RAP1GAP: variants seen among roughly 807,000 people sequenced by gnomAD.
The protein encoded by RAP1GAP is RAP1 GTPase activating protein.
Under a neutral mutation model 87.2 loss-of-function variants are expected in RAP1GAP, and 35 were observed. The ratio of observed to expected loss-of-function variants is 0.40; its 90% CI spans 0.31 to 0.53. RAP1GAP has a LOEUF of 0.53. Among genes scored for constraint, RAP1GAP ranks in the 20% least tolerant of loss-of-function variants. RAP1GAP has a pLI of 0.48. For synonymous variants in RAP1GAP, 375 were observed against 363.9 expected, an observed-to-expected ratio of 1.03 and a Z score of -0.35; for missense variants, 734 against 898.9, an observed-to-expected ratio of 0.82 and a Z score of 2.35.
rs1040947316 is a variant in RAP1GAP, at chr1:21,613,795, G to T, written c.396-89C>A. On this transcript the variant is annotated intron_variant, in intron 8 of 24. Transcript: ENST00000374765. The surrounding 1 kb of genome is among the most constrained non-coding windows in gnomAD (Gnocchi z 4.7). ...CCCCACAAAGTAAGGCCAGAAGGGG[G>T]TGGACCACAGCGAGGACCAGAGGTG... 8.9e-6 allele frequency: 12 copies of T among 1,344,908 alleles called. No homozygotes were observed. In the African/African-American group the frequency reaches 1.7e-4, roughly 19 times the overall value. 83.3% of individuals were successfully genotyped at this position (1,344,908 alleles called of 1,614,324 possible). A position where few individuals can be genotyped will look rare whatever the true frequency, so the allele number is the denominator to read the frequency against.
rs114770220 is a variant in RAP1GAP at position 21,634,637 on chromosome 1, C to T, written c.-112-8240G>A. 104 of 226,670 alleles carry T rather than the reference C, an allele frequency of 4.6e-4. No individual in the cohort carries two copies. The highest frequency in any genetic ancestry group is 1.7e-3 in the African/African-American group (75 of 43,282). The allele number at this position is 226,670 out of a possible 1,614,324, so 14.0% of individuals were successfully genotyped here. The stretch of plus-strand genomic sequence containing the variant: ...CATGCTGGCTGCATGCCGAGACACC[C>T]GGATCCCGGAGCTGGGCCAGGCAGA... On this transcript the variant is annotated intron_variant, in intron 2 of 24. Transcript: ENST00000374765. The surrounding 1 kb of genome is among the most constrained non-coding windows in gnomAD (Gnocchi z 4.1).
At position 21,616,190 on chromosome 1, in the gene RAP1GAP, C is replaced by CACACACACAT. The variant is rs758719299; in HGVS notation, c.291+1115_291+1116insATGTGTGTGT. On this transcript the variant is annotated intron_variant, in intron 7 of 24. Coordinates refer to ENST00000374765, the MANE Select transcript of RAP1GAP (RefSeq NM_002885.4). ...ACACACACACACACACACACACACA[C>CACACACACAT]ATACAATGACTAGGAGCATGATCTC... Among the ~76,000 whole-genome samples the CACACACACAT allele has an allele frequency of 3.6e-3, 496 of 136,352 alleles. 5 individuals carry two copies. The highest frequency in any genetic ancestry group is 8.4e-3 in the Admixed American group (113 of 13,416). 89.5% of individuals were successfully genotyped at this position (136,352 alleles called of 152,430 possible). A position where few individuals can be genotyped will look rare whatever the true frequency, so the allele number is the denominator to read the frequency against.
rs2097509097 is a variant in RAP1GAP, at chr1:21,669,343, C to G, written c.-238G>C. On this transcript the variant is annotated 5_prime_UTR_variant, in exon 1 of 25. Coordinates refer to ENST00000374765, the MANE Select transcript of RAP1GAP (RefSeq NM_002885.4). This position sits in a 1 kb window ranked among gnomAD's most constrained non-coding sequence, Gnocchi z 5.6. Reference sequence around the variant, plus strand: ...TCTGCTCAGATGCGGCCGGCGCTCGCCGCCGCCGCAGTTCGGGGAGGGGGA... The same window carrying G: ...TCTGCTCAGATGCGGCCGGCGCTCGGCGCCGCCGCAGTTCGGGGAGGGGGA... The G allele has an allele frequency of 9.4e-7, 1 of 1,066,412 alleles. No homozygotes were observed. The highest frequency in any genetic ancestry group is 1.1e-6 in the Non-Finnish European group (1 of 878,074). 66.1% of individuals were successfully genotyped at this position (1,066,412 alleles called of 1,614,324 possible). A position where few individuals can be genotyped will look rare whatever the true frequency, so the allele number is the denominator to read the frequency against.
At chr1:21,637,792 T>G (rs909181154) in intron 2 of RAP1GAP, among the ~76,000 whole-genome samples, 1 of 152,046 alleles carries the variant, frequency 6.6e-6, no homozygotes, top group African/African-American at 2.4e-5. Context: ...TAAAGCGGGC[T>G]GCACACAACA....
At chr1:21,639,717 A>T (rs1300786023) in intron 2 of RAP1GAP, among the ~76,000 whole-genome samples, 1 of 152,148 alleles carries the variant, frequency 6.6e-6, no homozygotes, top group Non-Finnish European at 1.5e-5. Flanking sequence ...GGAGTGAGCA[A>T]GGATCCACCC....
In RAP1GAP at chr1:21,599,476, C is replaced by T. The variant is rs768273439; in HGVS notation, c.1776+18G>A. The T allele has an allele frequency of 6.2e-7, 1 of 1,600,150 alleles. No individual in the cohort carries two copies. Among genetic ancestry groups the T allele is most frequent in the Admixed American group, 1.7e-5 (1 of 58,670 alleles). On this transcript the variant is annotated intron_variant, in intron 21 of 24. Coordinates refer to ENST00000374765, the MANE Select transcript of RAP1GAP (RefSeq NM_002885.4). ...TTCCAAGCTCCTGTGGGGCCCCTGA[C>T]CCCCCTGAGCCTCTCACCAGGCCTG...
chr1:21,633,866 G>C (rs1454100796), intron 2 of RAP1GAP, among the ~76,000 whole-genome samples: 4 of 152,114 alleles, frequency 2.6e-5, no homozygotes, highest in Admixed American at 2.6e-4. Flanking sequence ...CCCATGTGGG[G>C]TGGAGGATGA....
At chr1:21,612,430 A>C (rs9426673) in intron 10 of RAP1GAP, among the ~76,000 whole-genome samples, 29,590 of 151,664 alleles carry the variant, frequency 0.2, 3,492 homozygotes, top group Non-Finnish European at 0.27. Flanking sequence ...GCCCACCCCT[A>C]CTCCACTCTA....
At chr1:21,655,135 G>A (rs2096807752) in intron 1 of RAP1GAP, among the ~76,000 whole-genome samples, 1 of 145,024 alleles carries the variant, frequency 6.9e-6, no homozygotes, top group South Asian at 2.2e-4. Context: ...GCAAGACTCT[G>A]TCTGAAAAAA....
At chr1:21,619,671 T>C (rs1350648213) in intron 4 of RAP1GAP, among the ~76,000 whole-genome samples, 1 of 151,978 alleles carries the variant, frequency 6.6e-6, no homozygotes, top group Non-Finnish European at 1.5e-5. Flanking sequence ...CCTCCTCCAG[T>C]TCCATTCCAC....
At chr1:21,607,611 T>TA (rs1346102411) in intron 17 of RAP1GAP, among the ~76,000 whole-genome samples, 1 of 152,116 alleles carries the variant, frequency 6.6e-6, no homozygotes, top group African/African-American at 2.4e-5. Context: ...CCTGCTGACC[T>TA]AGCAGCCTTT....
At chr1:21,649,475 C>T (rs2151900035) in intron 2 of RAP1GAP, among the ~76,000 whole-genome samples, 1 of 152,198 alleles carries the variant, frequency 6.6e-6, no homozygotes, top group African/African-American at 2.4e-5. Flanking sequence ...CATTTTAATC[C>T]CCATTTCACA....
rs1430837712 is a variant in RAP1GAP, at chr1:21,603,323, A to G, written c.1429-410T>C. The G allele has an allele frequency of 2.5e-6, 1 of 394,576 alleles. No individual in the cohort carries two copies. Among genetic ancestry groups the G allele is most frequent in the Non-Finnish European group, 4.6e-6 (1 of 218,596 alleles). 24.4% of individuals were successfully genotyped at this position (394,576 alleles called of 1,614,324 possible). A position where few individuals can be genotyped will look rare whatever the true frequency, so the allele number is the denominator to read the frequency against. On this transcript the variant is annotated intron_variant, in intron 18 of 24. Transcript: ENST00000374765. The surrounding 1 kb of genome is among the most constrained non-coding windows in gnomAD (Gnocchi z 6.0). Reference sequence around the variant, plus strand: ...CGTGCCAGCTAGGGCCCCTCCCCGGAACCTCCAAATTGGCTGGGGGAGGTT... The same window carrying G: ...CGTGCCAGCTAGGGCCCCTCCCCGGGACCTCCAAATTGGCTGGGGGAGGTT...
At chr1:21,657,317 G>A (rs1005372617) in intron 1 of RAP1GAP, among the ~76,000 whole-genome samples, 1 of 152,234 alleles carries the variant, frequency 6.6e-6, no homozygotes, top group African/African-American at 2.4e-5. Context: ...GTTAGTACAT[G>A]CATGTAAATA....
At chr1:21,638,998 G>A (rs1409366990) in intron 2 of RAP1GAP, among the ~76,000 whole-genome samples, 2 of 152,246 alleles carry the variant, frequency 1.3e-5, no homozygotes, top group East Asian at 3.8e-4. Context: ...TGCTCCGAGG[G>A]TCAGGGAAGA....
At position 21,669,286 on chromosome 1, in the gene RAP1GAP, G is replaced by T. The variant is rs1021808030; in HGVS notation, c.-181C>A. 1.7e-6 allele frequency: 2 copies of T among 1,190,620 alleles called. No individual in the cohort carries two copies. Among genetic ancestry groups the T allele is most frequent in the African/African-American group, 1.7e-5 (1 of 59,172 alleles). The allele number at this position is 1,190,620 out of a possible 1,614,324, so 73.8% of individuals were successfully genotyped here. On this transcript the variant is annotated 5_prime_UTR_variant, in exon 1 of 25. Transcript: ENST00000374765. This position sits in a 1 kb window ranked among gnomAD's most constrained non-coding sequence, Gnocchi z 5.6. The stretch of plus-strand genomic sequence containing the variant: ...CCTGGGCCGGGGGCGTCCTGGGCTC[G>T]GCACTCTGGTGCCCGCGGCCGCCGC...
chr1:21,609,468 T>C lies in RAP1GAP; in HGVS notation c.1071+107A>G, dbSNP rs953727449. ...TGCAGTTAGGGGAGCCCAGCTGCCC[T>C]GGCATACAATGAGACTTTGGGACCT... On this transcript the variant is annotated intron_variant, in intron 15 of 24. Transcript: ENST00000374765. This position sits in a 1 kb window ranked among gnomAD's most constrained non-coding sequence, Gnocchi z 4.4. 6.3e-6 allele frequency: 4 copies of C among 634,960 alleles called. No individual in the cohort carries two copies. The highest frequency in any genetic ancestry group is 2.7e-4 in the Middle Eastern group (1 of 3,684). The allele number at this position is 634,960 out of a possible 1,614,324, so 39.3% of individuals were successfully genotyped here.
At chr1:21,635,687 C>A (rs1190174395) in intron 2 of RAP1GAP, among the ~76,000 whole-genome samples, 1 of 152,226 alleles carries the variant, frequency 6.6e-6, no homozygotes. Context: ...GAAGTCCCTG[C>A]CCCTCACAAC....
At chr1:21,640,340 G>T (rs12142081) in intron 2 of RAP1GAP, among the ~76,000 whole-genome samples, 53,115 of 152,010 alleles carry the variant, frequency 0.35, 10,120 homozygotes, top group Middle Eastern at 0.44. Context: ...TTTACCTGTT[G>T]CGTTTGCACA....
Sources: allele counts gnomAD v4.1 joint callset (sites outside exome capture counted in the v4.1 genomes callset), GRCh38; gene constraint gnomAD v4.1.1; non-coding constraint Gnocchi (gnomAD v3.1); transcripts MANE v1.5; gene names NCBI Gene and HGNC (gene_info 2026-07-23, HGNC 2026-07-21).